The following PAMR1 variants were observed in gnomAD, a reference collection of about 807,000 sequenced individuals.
The protein encoded by PAMR1 is inactive serine protease PAMR1.
In PAMR1, 88 loss-of-function variants were observed where a neutral mutation model predicts 81.8. The observed-to-expected ratio is 1.08, with a 90% CI of 0.91 to 1.28. The LOEUF (loss-of-function observed/expected upper bound fraction) is 1.28, where lower values mean the gene tolerates loss of function less well. PAMR1 is among the 50% of genes most tolerant of loss of function. The pLI is 0.00. For missense variants in PAMR1, 935 were observed against 919.7 expected, an observed-to-expected ratio of 1.02 and a Z score of -0.21; for synonymous variants, 336 against 345.3, an observed-to-expected ratio of 0.97 and a Z score of 0.30.
rs576537935 is a variant in PAMR1 at position 35,524,575 on chromosome 11, C to A, written c.73+938G>T. Among the ~76,000 whole-genome samples, 4 of 152,276 alleles carry A rather than the reference C, an allele frequency of 2.6e-5. No individual in the cohort carries two copies. The East Asian group carries it at 7.7e-4, about 29-fold the overall frequency. ...GGTAACCAGCACAGAAGGGAAGCAG[C>A]GAAGGCTCGTACATAACCTGCCCCT... On this transcript the variant is annotated intron_variant, in intron 1 of 10. Coordinates refer to ENST00000619888, the MANE Select transcript of PAMR1 (RefSeq NM_001001991.3).
At chr11:35,499,788 A>G (rs771041921) in intron 1 of PAMR1, among the ~76,000 whole-genome samples, 14 of 152,224 alleles carry the variant, frequency 9.2e-5, no homozygotes, top group Non-Finnish European at 1.9e-4. Context: ...GGTAAGATCC[A>G]TCTCAGTCTA....
chr11:35,488,439 T>C (rs1384064790), intron 3 of PAMR1, among the ~76,000 whole-genome samples: 1 of 151,918 alleles, frequency 6.6e-6, no homozygotes, highest in African/African-American at 2.4e-5. Context: ...CAGTCTGGCC[T>C]TGAACTCTTG....
intron 6 of PAMR1, among the ~76,000 whole-genome samples, chr11:35,448,309 A>G (rs957282972): frequency 6.6e-6 from 1 of 151,908 alleles, no homozygotes; most frequent in African/African-American, 2.4e-5. Flanking sequence ...ACATAATCCC[A>G]TAGTTCTCAG....
At chr11:35,510,184 A>G (rs1782601780) in intron 1 of PAMR1, among the ~76,000 whole-genome samples, 1 of 152,240 alleles carries the variant, frequency 6.6e-6, no homozygotes, top group Non-Finnish European at 1.5e-5. Context: ...AAGAAGGTAT[A>G]GAAATTCCCC....
intron 1 of PAMR1, among the ~76,000 whole-genome samples, chr11:35,504,306 G>T (rs937174131): frequency 6.6e-6 from 1 of 152,066 alleles, no homozygotes; most frequent in Admixed American, 6.5e-5. Flanking sequence ...TTGCATCTGG[G>T]CTCATCAGTG....
intron 2 of PAMR1, 90 bp from the exon 3 acceptor site, chr11:35,492,263 C>T: frequency 1.4e-6 from 2 of 1,424,782 alleles, no homozygotes; most frequent in Non-Finnish European, 9.7e-7. Context: ...CTTCTCAGGG[C>T]CCTGTCTCAA....
Position 35,441,692 on chromosome 11 carries a change from GACTAAAAGAA to G in PAMR1, c.821-9_821del, listed in dbSNP as rs1164193939. The G allele has an allele frequency of 6.3e-7, 1 of 1,589,540 alleles. No homozygotes were observed. The highest frequency in any genetic ancestry group is 1.4e-5 in the African/African-American group (1 of 73,616). ...GGTCTGAGCAGTTTCTTTCTTCAAG[GACTAAAAGAA>G]AGTAAAAGAAAAGGAGAATTGTTAA... On this transcript the variant is annotated splice_acceptor_variant and splice_polypyrimidine_tract_variant and coding_sequence_variant and intron_variant, in exon 7 of 11. Coordinates refer to ENST00000619888, the MANE Select transcript of PAMR1 (RefSeq NM_001001991.3). LOFTEE classifies it high-confidence loss of function.
At chr11:35,478,413 G>A (rs1334130921) in intron 3 of PAMR1, among the ~76,000 whole-genome samples, 1 of 152,216 alleles carries the variant, frequency 6.6e-6, no homozygotes, top group African/African-American at 2.4e-5. Flanking sequence ...TCTTCTTAAT[G>A]AGGTTCCTTT....
chr11:35,510,245 A>G (rs1851047515), intron 1 of PAMR1, among the ~76,000 whole-genome samples: 1 of 151,970 alleles, frequency 6.6e-6, no homozygotes, highest in African/African-American at 2.4e-5. Flanking sequence ...CAACATCCCC[A>G]CTAGAGCTGT....
chr11:35,529,531 G>A (rs1590411688), upstream of PAMR1, among the ~76,000 whole-genome samples: 1 of 152,198 alleles, frequency 6.6e-6, no homozygotes, highest in Non-Finnish European at 1.5e-5. Flanking sequence ...CTCGCTACCT[G>A]TGTACACTTG....
chr11:35,500,529 G>A (rs2135407734), intron 1 of PAMR1, among the ~76,000 whole-genome samples: 1 of 152,272 alleles, frequency 6.6e-6, no homozygotes, highest in East Asian at 1.9e-4. Context: ...ACCACAACAG[G>A]GAAAACTTAG....
chr11:35,488,954 C>A (rs991142566), intron 3 of PAMR1, among the ~76,000 whole-genome samples: 2 of 152,144 alleles, frequency 1.3e-5, no homozygotes, highest in African/African-American at 4.8e-5. Context: ...CTGCCTTCAT[C>A]CTATGTGACC....
chr11:35,526,507 G>A (rs1851393972), upstream of PAMR1, among the ~76,000 whole-genome samples: 1 of 152,170 alleles, frequency 6.6e-6, no homozygotes, highest in Admixed American at 6.5e-5. Flanking sequence ...AAACTCCTCC[G>A]TGCCAGGTGT....
At chr11:35,502,785 G>A (rs112590511) in intron 1 of PAMR1, among the ~76,000 whole-genome samples, 174 of 151,944 alleles carry the variant, frequency 1.1e-3, no homozygotes, top group African/African-American at 4.0e-3. Context: ...TCATTCTGTG[G>A]TTGTCTCTTC....
chr11:35,518,217 T>C (rs1728127628), intron 1 of PAMR1, among the ~76,000 whole-genome samples: 1 of 151,764 alleles, frequency 6.6e-6, no homozygotes, highest in Non-Finnish European at 1.5e-5. Context: ...CCACCAGCCA[T>C]GTCCTCACTT....
intron 6 of PAMR1, among the ~76,000 whole-genome samples, chr11:35,442,910 CTTTTT>C (rs563500907): frequency 6.6e-6 from 1 of 151,908 alleles, no homozygotes; most frequent in Non-Finnish European, 1.5e-5. Flanking sequence ...ACCTTAGTTT[CTTTTT>C]TTTAATATAA....
chr11:35,480,533 C>T (rs866440255), intron 3 of PAMR1, among the ~76,000 whole-genome samples: 6 of 152,270 alleles, frequency 3.9e-5, no homozygotes, highest in South Asian at 2.1e-4. Context: ...ACCAATAGGC[C>T]ATTAATCCCC....
At chr11:35,466,860 T>C (rs1377643680) in intron 6 of PAMR1, among the ~76,000 whole-genome samples, 1 of 152,018 alleles carries the variant, frequency 6.6e-6, no homozygotes, top group African/African-American at 2.4e-5. Flanking sequence ...GAAGTGACTG[T>C]AGTAGATATT....
chr11:35,447,943 T>C (rs1430704713), intron 6 of PAMR1, among the ~76,000 whole-genome samples: 2 of 152,236 alleles, frequency 1.3e-5, no homozygotes, highest in Non-Finnish European at 1.5e-5. Context: ...TTGGAAATTC[T>C]TTTCTTTAAG....
Sources: allele counts gnomAD v4.1 joint callset (sites outside exome capture counted in the v4.1 genomes callset), GRCh38; gene constraint gnomAD v4.1.1; transcripts MANE v1.5; gene names NCBI Gene and HGNC (gene_info 2026-07-23, HGNC 2026-07-21).